The following RB1CC1 variants were observed in gnomAD, a reference collection of about 807,000 sequenced individuals.
The protein encoded by RB1CC1 is RB1 inducible coiled-coil 1, also known as RB1-inducible coiled-coil protein 1.
In RB1CC1, 46 loss-of-function variants were observed where a neutral mutation model predicts 177.5. The observed-to-expected ratio is 0.26, with a 90% confidence interval of 0.20 to 0.33. The LOEUF is 0.33. RB1CC1 is among the 10% of genes least tolerant of loss of function. The probability of loss-of-function intolerance (pLI) is 1.00; values close to 1 mark genes in which losing one functional copy is unlikely to be tolerated. For missense variants in RB1CC1, 1,703 were observed against 1,816.3 expected (o/e 0.94, Z 1.13); for synonymous variants, 666 against 613.6 (o/e 1.09, Z -1.26).
intron 1 of RB1CC1, among the ~76,000 whole-genome samples, chr8:52,702,428 TA>T: frequency 6.6e-6 from 1 of 152,232 alleles, no homozygotes; most frequent in African/African-American, 2.4e-5. Context: ...GAAATGTAGA[TA>T]AAACAGGCCA....
chr8:52,665,029 A>G (rs1851948968), intron 8 of RB1CC1, among the ~76,000 whole-genome samples: 1 of 152,186 alleles, frequency 6.6e-6, no homozygotes, highest in Non-Finnish European at 1.5e-5. Context: ...AAGGTAAGAT[A>G]ATTGAAAGCC....
At chr8:52,670,444 T>G (rs1852466606) in intron 7 of RB1CC1, among the ~76,000 whole-genome samples, 1 of 152,210 alleles carries the variant, frequency 6.6e-6, no homozygotes. Flanking sequence ...TATTTTTAAC[T>G]GAGAAAGAAA....
chr8:52,706,126 G>A (rs1856519122), intron 1 of RB1CC1, among the ~76,000 whole-genome samples: 1 of 137,664 alleles, frequency 7.3e-6, no homozygotes, highest in East Asian at 2.6e-4. Context: ...AATTAGAGGG[G>A]AAAAACACAT....
intron 20 of RB1CC1, among the ~76,000 whole-genome samples, chr8:52,634,533 A>C (rs933335707): frequency 6.6e-6 from 1 of 152,100 alleles, no homozygotes; most frequent in Non-Finnish European, 1.5e-5. Flanking sequence ...AAAAAAAATC[A>C]TGAAAAGATA....
chr8:52,686,055 C>G (rs775641406), intron 2 of RB1CC1: 1 of 152,296 alleles, frequency 6.6e-6, no homozygotes, highest in African/African-American at 2.4e-5. Flanking sequence ...AGTTCCATCA[C>G]TTCCATCAGC....
rs947921854 is a variant in RB1CC1, at chr8:52,701,365, T to C, written c.-167+12710A>G. Among the ~76,000 whole-genome samples, 6 of 152,242 alleles carry C rather than the reference T, an allele frequency of 3.9e-5. No homozygotes were observed. The East Asian group carries it at 1.2e-3, about 30-fold the overall frequency. On this transcript the variant is annotated intron_variant, in intron 1 of 23. Coordinates refer to ENST00000025008, the MANE Select transcript of RB1CC1 (RefSeq NM_014781.5). ...GTCTCAAACTCCTGACCTCAGGTAA[T>C]TCACCTGTCTCGGCCTCCCCAAGTG...
At chr8:52,692,623 C>T (rs1186219928) in intron 1 of RB1CC1, among the ~76,000 whole-genome samples, 1 of 151,834 alleles carries the variant, frequency 6.6e-6, no homozygotes, top group Non-Finnish European at 1.5e-5. Flanking sequence ...AGCTGGATCA[C>T]GGGGGAAAAA....
rs148968255 is a variant in RB1CC1 at position 52,701,265 on chromosome 8, C to A, written c.-167+12810G>T. 3.8e-3 allele frequency among the ~76,000 whole-genome samples: 576 copies of A among 151,864 alleles called. 3 individuals carry two copies. Among genetic ancestry groups the A allele is most frequent in the African/African-American group, 0.012 (516 of 41,400 alleles). ...AGCCTCCCGAGCAGCTTTGATTACACGCACCCACCACCACACCCAGCTAAT... is the reference window on the plus strand; with the variant it reads ...AGCCTCCCGAGCAGCTTTGATTACAAGCACCCACCACCACACCCAGCTAAT... On this transcript the variant is annotated intron_variant, in intron 1 of 23. Coordinates refer to ENST00000025008, the MANE Select transcript of RB1CC1 (RefSeq NM_014781.5).
chr8:52,699,207 T>C lies in RB1CC1; in HGVS notation c.-166-12240A>G, dbSNP rs1459433784. Among the ~76,000 whole-genome samples, 18 of 152,192 alleles carry C rather than the reference T, an allele frequency of 1.2e-4. 1 individual carries two copies. The highest frequency in any genetic ancestry group is 1.2e-3 in the Admixed American group (18 of 15,282). On this transcript the variant is annotated intron_variant, in intron 1 of 23. Coordinates refer to ENST00000025008, the MANE Select transcript of RB1CC1 (RefSeq NM_014781.5). The stretch of plus-strand genomic sequence containing the variant: ...AAACAACTGACTGCAGAGGAAGAAC[T>C]TAACAGACCTGGTTAAAATTCTTAT...
intron 1 of RB1CC1, among the ~76,000 whole-genome samples, chr8:52,688,346 T>G (rs1269746187): frequency 6.6e-6 from 1 of 152,156 alleles, no homozygotes; most frequent in African/African-American, 2.4e-5. Context: ...GCAAGGAATA[T>G]TAATACCCTG....
chr8:52,675,417 T>C (rs59654736), intron 6 of RB1CC1, among the ~76,000 whole-genome samples: 2,511 of 152,078 alleles, frequency 0.017, 70 homozygotes, highest in African/African-American at 0.056. Context: ...GAACACAAAA[T>C]GCTAAAAGCA....
intron 18 of RB1CC1, among the ~76,000 whole-genome samples, chr8:52,638,885 T>G (rs1017979936): frequency 1.3e-5 from 2 of 152,124 alleles, no homozygotes; most frequent in African/African-American, 2.4e-5. Context: ...TCCATATATA[T>G]CCACTGGTTT....
chr8:52,704,278 A>T (rs1176141840), intron 1 of RB1CC1, among the ~76,000 whole-genome samples: 1 of 152,106 alleles, frequency 6.6e-6, no homozygotes, highest in Non-Finnish European at 1.5e-5. Context: ...TACATTAAAC[A>T]TGAGTCTAAC....
At chr8:52,702,635 G>A (rs1419205232) in intron 1 of RB1CC1, among the ~76,000 whole-genome samples, 1 of 152,110 alleles carries the variant, frequency 6.6e-6, no homozygotes, top group Non-Finnish European at 1.5e-5. Context: ...AGGATCACTC[G>A]CACCCGGCAG....
At chr8:52,709,828 T>A (rs1033928982) in intron 1 of RB1CC1, among the ~76,000 whole-genome samples, 1 of 152,240 alleles carries the variant, frequency 6.6e-6, no homozygotes, top group Non-Finnish European at 1.5e-5. Flanking sequence ...TCTCTGACCT[T>A]CAAAACTGGA....
chr8:52,632,902 T>C (rs1275378722), intron 20 of RB1CC1, among the ~76,000 whole-genome samples: 1 of 152,200 alleles, frequency 6.6e-6, no homozygotes, highest in Non-Finnish European at 1.5e-5. Flanking sequence ...GCGTATATGA[T>C]TGCTTTCTCG....
chr8:52,687,463 A>G (rs184097813), intron 1 of RB1CC1, among the ~76,000 whole-genome samples: 73 of 152,274 alleles, frequency 4.8e-4, no homozygotes, highest in Admixed American at 3.7e-3. Flanking sequence ...ATCTGTTTCT[A>G]ACCAAAAAAA....
chr8:52,666,149 A>G (rs1458138564), intron 8 of RB1CC1, among the ~76,000 whole-genome samples: 1 of 152,096 alleles, frequency 6.6e-6, no homozygotes, highest in Non-Finnish European at 1.5e-5. Context: ...AGGCCTCACA[A>G]TATTTCTTTG....
rs766821985 is a variant in RB1CC1 at position 52,637,330 on chromosome 8, G to C, written c.4338-1261C>G. Among the ~76,000 whole-genome samples, 3 of 152,128 alleles carry C rather than the reference G, an allele frequency of 2.0e-5. No homozygotes were observed. The South Asian group carries it at 6.2e-4, about 31-fold the overall frequency. Reference sequence around the variant, plus strand: ...TTTTGATGCCATCAGAAAAGAAACTGTCTTTTAAATCTCATTTTTGGATGA... The same window carrying C: ...TTTTGATGCCATCAGAAAAGAAACTCTCTTTTAAATCTCATTTTTGGATGA... On this transcript the variant is annotated intron_variant, in intron 18 of 23. Transcript: ENST00000025008.
Sources: gnomAD v4.1 joint callset for allele counts (sites outside exome capture counted in the v4.1 genomes callset) on GRCh38, gnomAD v4.1.1 for gene constraint, MANE v1.5 for transcripts, NCBI Gene and HGNC (gene_info 2026-07-23, HGNC 2026-07-21) for gene names.